CAPN10: variants seen among roughly 807,000 people sequenced by gnomAD.
CAPN10 encodes the protein calpain-10.
In CAPN10, 71 loss-of-function variants were observed where a neutral mutation model predicts 78.4. That is an observed-to-expected ratio of 0.91 (90% CI 0.75 to 1.10). The LOEUF (loss-of-function observed/expected upper bound fraction) is 1.10, where lower values mean the gene tolerates loss of function less well. CAPN10 is among the 50% of genes least tolerant of loss of function. The pLI is 0.00. For synonymous variants in CAPN10, 437 were observed against 407.2 expected (o/e 1.07, Z -0.88); for missense variants, 849 against 924.6 (o/e 0.92, Z 1.06).
chr2:240,591,333 G>A (rs2975758), intron 3 of CAPN10: 266,054 of 314,420 alleles, frequency 0.85, 113,237 homozygotes, highest in East Asian at 0.99. Context: ...TTGTTGTGGA[G>A]TGGTTGGGAC....
Position 240,596,718 on chromosome 2 carries a change from G to T in CAPN10, c.1519G>T (p.Ala507Ser). 3 of 1,578,292 alleles carry T rather than the reference G, an allele frequency of 1.9e-6. No individual in the cohort carries two copies. The highest frequency in any genetic ancestry group is 2.6e-6 in the Non-Finnish European group (3 of 1,160,794). ...AGTGGCCAAGAACACCACCCCCGGG[G>T]CAGCCCTGCCTGCGGGGGAGTGGGG... Reference protein sequence around the residue: ...RAVAKNTTPGAALPAGEWGTV... With the variant: ...RAVAKNTTPGSALPAGEWGTV... Residue 507 changes from alanine (A) to serine (S), a missense_variant, in exon 9 of 12, where the codon GCA becomes TCA. Ala to Ser is a moderately conservative substitution (Grantham distance 99). Coordinates refer to ENST00000391984, the MANE Select transcript of CAPN10 (RefSeq NM_023083.4).
At chr2:240,596,291 A>T (rs765450449) in intron 7 of CAPN10, 28 bp from the exon 8 acceptor site, 1 of 1,584,784 alleles carries the variant, frequency 6.3e-7, no homozygotes, top group African/African-American at 1.3e-5. Flanking sequence ...CCGCTCCTCC[A>T]CACTGAGCCT....
chr2:240,596,959 A>C lies in CAPN10; in HGVS notation c.1743+17A>C. 1.2e-6 allele frequency: 2 copies of C among 1,613,122 alleles called. No individual in the cohort carries two copies. Among genetic ancestry groups the C allele is most frequent in the Non-Finnish European group, 1.7e-6 (2 of 1,179,896 alleles). ...ATCTTCCAGGCAAGCTCCTTGCCCC[A>C]GGGAGGGAGGGGGAGCAGAAGGGGC... On this transcript the variant is annotated intron_variant, in intron 9 of 11. Coordinates refer to ENST00000391984, the MANE Select transcript of CAPN10 (RefSeq NM_023083.4).
intron 1 of CAPN10, among the ~76,000 whole-genome samples, chr2:240,587,783 C>T (rs1185092627): frequency 6.6e-6 from 1 of 152,154 alleles, no homozygotes; most frequent in African/African-American, 2.4e-5. Context: ...AGAGCCTTGT[C>T]ATTGGAATTT....
rs751715639 is a variant in CAPN10 at position 240,596,366 on chromosome 2, C to A, written c.1326C>A (p.Pro442=). 1.2e-6 allele frequency: 2 copies of A among 1,612,884 alleles called. No homozygotes were observed. Among genetic ancestry groups the A allele is most frequent in the South Asian group, 1.1e-5 (1 of 91,060 alleles). The change falls in exon 8 of 12, where the codon CCC becomes CCA. Residue 442 remains proline (P), a synonymous_variant. Transcript: ENST00000391984. The part of the protein sequence containing the change: ...VNLPRVLSMP[P]VAGTACHAYD... Reference sequence around the variant, plus strand: ...TGCCTAGGGTCCTGTCCATGCCCCCCGTGGCTGGCACCGCGTGCCATGCAT... The same window carrying A: ...TGCCTAGGGTCCTGTCCATGCCCCCAGTGGCTGGCACCGCGTGCCATGCAT...
chr2:240,595,070 G>C lies in CAPN10; in HGVS notation c.1044G>C (p.Lys348Asn). ...GGGCGCTGCCTGGGGCCTGGGTCAA[G>C]GGCCAGTCAGCAGGAGGCTGCCGGA... ...HTRALPGAWV[K>N]GQSAGGCRNN... Residue 348 changes from lysine (K) to asparagine (N), a missense_variant, in exon 7 of 12, where the codon AAG becomes AAC. Coordinates refer to ENST00000391984, the MANE Select transcript of CAPN10 (RefSeq NM_023083.4). The C allele has an allele frequency of 6.2e-7, 1 of 1,613,616 alleles. No homozygotes were observed. Among genetic ancestry groups the C allele is most frequent in the Non-Finnish European group, 8.5e-7 (1 of 1,180,020 alleles).
Position 240,596,361 on chromosome 2 carries a change from C to T in CAPN10, c.1321C>T (p.Pro441Ser). 1 of 1,612,448 alleles carries T rather than the reference C, an allele frequency of 6.2e-7. No individual in the cohort carries two copies. Among genetic ancestry groups the T allele is most frequent in the African/African-American group, 1.3e-5 (1 of 75,044 alleles). ...CAATCTGCCTAGGGTCCTGTCCATGCCCCCCGTGGCTGGCACCGCGTGCCA... is the reference window on the plus strand; with the variant it reads ...CAATCTGCCTAGGGTCCTGTCCATGTCCCCCGTGGCTGGCACCGCGTGCCA... Reference protein sequence around the residue: ...RVNLPRVLSMPPVAGTACHAY... With the variant: ...RVNLPRVLSMSPVAGTACHAY... Residue 441 changes from proline to serine, a missense_variant, in exon 8 of 12, where the codon CCC (proline) becomes TCC (serine). Coordinates refer to ENST00000391984, the MANE Select transcript of CAPN10 (RefSeq NM_023083.4).
At chr2:240,591,154 C>T (rs1368539550) in intron 3 of CAPN10, 143 bp downstream of exon 3, 1 of 680,362 alleles carries the variant, frequency 1.5e-6, no homozygotes, top group East Asian at 2.7e-5. Context: ...TTCTGTGAGT[C>T]AGGCTGACAG....
chr2:240,598,307 G>A (rs1461788248), intron 10 of CAPN10, 45 bp from the exon 11 acceptor site: 1 of 1,595,052 alleles, frequency 6.3e-7, no homozygotes, highest in East Asian at 2.2e-5. Context: ...AGCCACTTGT[G>A]TGACAAGTGC....
intron 2 of CAPN10, chr2:240,590,117 C>T (rs2093092211): frequency 6.6e-6 from 1 of 151,736 alleles, no homozygotes; most frequent in South Asian, 2.1e-4. Flanking sequence ...CCAGCTTTGA[C>T]TTTTTTTTTA....
intron 7 of CAPN10, chr2:240,595,947 G>T: frequency 7.4e-7 from 1 of 1,352,404 alleles, no homozygotes; most frequent in South Asian, 1.2e-5. Context: ...GTGACACTTG[G>T]CACCACACTG....
At chr2:240,590,786 C>T (rs760069540) in intron 2 of CAPN10, 29 bp from the exon 3 acceptor site, 66 of 1,607,298 alleles carry the variant, frequency 4.1e-5, no homozygotes, top group African/African-American at 5.3e-5. Flanking sequence ...ATATCACGCT[C>T]GCCTTTTGCT....
intron 1 of CAPN10, 80 bp downstream of exon 1, chr2:240,587,132 G>A: frequency 2.1e-6 from 2 of 948,066 alleles, no homozygotes; most frequent in Non-Finnish European, 2.9e-6. Context: ...GGCGGGGTGG[G>A]CGGCCAGGGT....
intron 11 of CAPN10, 84 bp from the exon 12 acceptor site, chr2:240,598,567 G>T: frequency 2.7e-6 from 4 of 1,489,794 alleles, no homozygotes; most frequent in Non-Finnish European, 3.7e-6. Flanking sequence ...CTGAGGCTGC[G>T]TCCCATTCCC....
intron 4 of CAPN10, 32 bp downstream of exon 4, chr2:240,592,182 A>T: frequency 6.5e-7 from 1 of 1,527,128 alleles, no homozygotes; most frequent in East Asian, 2.4e-5. Context: ...GGAGGGCTGC[A>T]GCCAGCGTGC....
At chr2:240,591,814 G>A in intron 3 of CAPN10, 119 bp from the exon 4 acceptor site, 2 of 819,236 alleles carry the variant, frequency 2.4e-6, no homozygotes, top group Non-Finnish European at 3.9e-6. Context: ...GCAGAGGGGA[G>A]TAAAGAGGTG....
chr2:240,598,156 C>A, intron 10 of CAPN10, 69 bp downstream of exon 10: 4 of 1,460,246 alleles, frequency 2.7e-6, no homozygotes, highest in Non-Finnish European at 9.5e-7. Flanking sequence ...CTCGCCTGTC[C>A]CCCCACGTCT....
Position 240,596,251 on chromosome 2 carries a change from G to T in CAPN10, c.1279-68G>T, listed in dbSNP as rs2093135725. 2.6e-6 allele frequency: 4 copies of T among 1,519,428 alleles called. No individual in the cohort carries two copies. In the Admixed American group the frequency reaches 8.3e-5, roughly 32 times the overall value. 94.1% of individuals were successfully genotyped at this position (1,519,428 alleles called of 1,614,324 possible). On this transcript the variant is annotated intron_variant, in intron 7 of 11. Coordinates refer to ENST00000391984, the MANE Select transcript of CAPN10 (RefSeq NM_023083.4). Reference sequence around the variant, plus strand: ...CCAGAGGCCCTTGTGCTTGCAGCAGGGAGGTCAAGGCCAGGGCGTCTGACC... The same window carrying T: ...CCAGAGGCCCTTGTGCTTGCAGCAGTGAGGTCAAGGCCAGGGCGTCTGACC...
In CAPN10 at chr2:240,594,396, G is replaced by T. The variant is rs1003695967; in HGVS notation, c.831-147G>T. The T allele has an allele frequency of 3.8e-6, 3 of 793,334 alleles. No individual in the cohort carries two copies. In the East Asian group the frequency reaches 7.4e-5, roughly 19 times the overall value. The allele number at this position is 793,334 out of a possible 1,614,324, so 49.1% of individuals were successfully genotyped here. A position where few individuals can be genotyped will look rare whatever the true frequency, so the allele number is the denominator to read the frequency against. The stretch of plus-strand genomic sequence containing the variant: ...CCTGTGCTGCAGAGCTGCTTCGGGT[G>T]TGGGAGGGGCTGCAGAGCTGGGGCA... On this transcript the variant is annotated intron_variant, in intron 5 of 11. Transcript: ENST00000391984.
Sources: gnomAD v4.1 joint callset for allele counts (sites outside exome capture counted in the v4.1 genomes callset) on GRCh38, gnomAD v4.1.1 for gene constraint, MANE v1.5 for transcripts, NCBI Gene and HGNC (gene_info 2026-07-23, HGNC 2026-07-21) for gene names.